FRMD4A: variants seen among roughly 807,000 people sequenced by gnomAD.
The protein encoded by FRMD4A is FERM domain-containing protein 4A.
A neutral mutation model predicts 129.1 loss-of-function variants in FRMD4A; 29 were observed. The ratio of observed to expected loss-of-function variants is 0.22; its 90% CI spans 0.17 to 0.31. The LOEUF is 0.31. FRMD4A is among the 10% of genes least tolerant of loss of function. The pLI, the probability that FRMD4A is intolerant of heterozygous loss-of-function variation, is 1.00. For missense variants in FRMD4A, 1,272 were observed against 1,375.8 expected (o/e 0.92, Z 1.19); for synonymous variants, 634 against 571.6 (o/e 1.11, Z -1.56).
intron 2 of FRMD4A, among the ~76,000 whole-genome samples, chr10:13,929,126 G>A (rs954192617): frequency 1.3e-4 from 20 of 152,154 alleles, no homozygotes; most frequent in African/African-American, 4.8e-4. Context: ...ATTATTTGTG[G>A]GATGGTAGCC....
At chr10:14,283,579 T>C (rs1165877192) in intron 2 of FRMD4A, among the ~76,000 whole-genome samples, 1 of 152,234 alleles carries the variant, frequency 6.6e-6, no homozygotes, top group Non-Finnish European at 1.5e-5. Context: ...CTCTGTTTAT[T>C]GGTATTCACA....
At chr10:13,827,726 G>C (rs1388029646) in intron 3 of FRMD4A, among the ~76,000 whole-genome samples, 6 of 152,306 alleles carry the variant, frequency 3.9e-5, no homozygotes, top group African/African-American at 1.2e-4. Flanking sequence ...GGTTCCGGCA[G>C]TCTGTAAGTC....
intron 2 of FRMD4A, among the ~76,000 whole-genome samples, chr10:14,234,349 C>G (rs1843731428): frequency 6.6e-6 from 1 of 152,164 alleles, no homozygotes; most frequent in South Asian, 2.1e-4. Flanking sequence ...ACCAAAACAT[C>G]AGAGACCAAC....
chr10:14,256,697 T>C (rs1844625038), intron 2 of FRMD4A, among the ~76,000 whole-genome samples: 1 of 152,168 alleles, frequency 6.6e-6, no homozygotes, highest in African/African-American at 2.4e-5. Context: ...TTAAAGTATA[T>C]GTGGGCTGGG....
At chr10:13,711,446 G>C (rs2088009849) in intron 12 of FRMD4A, among the ~76,000 whole-genome samples, 1 of 152,258 alleles carries the variant, frequency 6.6e-6, no homozygotes, top group Admixed American at 6.5e-5. Flanking sequence ...TCCCGAGCTT[G>C]CGCTGGCTCA....
At chr10:13,839,575 T>C (rs4748061) in intron 3 of FRMD4A, among the ~76,000 whole-genome samples, 45,624 of 152,020 alleles carry the variant, frequency 0.3, 7,219 homozygotes, top group Middle Eastern at 0.43. Flanking sequence ...CTGTTTTCTT[T>C]CTCCTTTCAG....
At chr10:13,802,475 A>T (rs566029778) in intron 4 of FRMD4A, among the ~76,000 whole-genome samples, 1 of 152,230 alleles carries the variant, frequency 6.6e-6, no homozygotes, top group African/African-American at 2.4e-5. Flanking sequence ...ATTTAGAGAC[A>T]GGGTCTCACT....
chr10:14,240,889 G>T (rs1418922976), intron 2 of FRMD4A, among the ~76,000 whole-genome samples: 1 of 144,454 alleles, frequency 6.9e-6, no homozygotes, highest in East Asian at 2.0e-4. Context: ...CCCCTGCTGG[G>T]ATCCCTTTCT....
chr10:13,691,285 G>T (rs2085664946), intron 15 of FRMD4A, among the ~76,000 whole-genome samples: 1 of 152,162 alleles, frequency 6.6e-6, no homozygotes, highest in Admixed American at 6.5e-5. Flanking sequence ...ACTGCGCCCG[G>T]CCAGATTTCA....
At chr10:13,936,619 G>C (rs1054175702) in intron 2 of FRMD4A, among the ~76,000 whole-genome samples, 5 of 152,164 alleles carry the variant, frequency 3.3e-5, no homozygotes, top group African/African-American at 1.2e-4. Flanking sequence ...CAAGAAGTGA[G>C]CCCCTTTCAT....
intron 2 of FRMD4A, among the ~76,000 whole-genome samples, chr10:14,227,978 A>G (rs924118221): frequency 1.3e-5 from 2 of 152,018 alleles, no homozygotes; most frequent in African/African-American, 4.8e-5. Context: ...GGTTCAAGCA[A>G]TTCTCCTGCC....
chr10:14,232,054 T>C (rs917575747), intron 2 of FRMD4A, among the ~76,000 whole-genome samples: 3 of 152,224 alleles, frequency 2.0e-5, no homozygotes, highest in African/African-American at 7.2e-5. Context: ...ATGATTTTTT[T>C]AGCTTTAGGT....
intron 2 of FRMD4A, among the ~76,000 whole-genome samples, chr10:14,312,252 C>T (rs562428433): frequency 1.7e-4 from 26 of 152,302 alleles, no homozygotes; most frequent in African/African-American, 5.8e-4. Context: ...CACTTGAATT[C>T]TGTAGACATT....
chr10:13,736,194 G>C (rs1224021048), intron 12 of FRMD4A, among the ~76,000 whole-genome samples: 1 of 151,876 alleles, frequency 6.6e-6, no homozygotes. Context: ...AAAAGAGAAG[G>C]GTTGTTCTAA....
rs1390208590 is a variant in FRMD4A, at chr10:13,645,991, G to A, written c.*1047C>T. 6.6e-6 allele frequency: 1 copy of A among 152,492 alleles called. No individual in the cohort carries two copies. Among genetic ancestry groups the A allele is most frequent in the Non-Finnish European group, 1.5e-5 (1 of 68,052 alleles). 9.4% of individuals were successfully genotyped at this position (152,492 alleles called of 1,614,324 possible). On this transcript the variant is annotated 3_prime_UTR_variant, in exon 25 of 25. Transcript: ENST00000357447. The stretch of plus-strand genomic sequence containing the variant: ...TACTACAAATCCTGAAAGGAAAGCA[G>A]CTTTGAGTCTTGGGCTCGGCTGAAC...
chr10:14,062,794 T>C (rs1395861184), intron 2 of FRMD4A, among the ~76,000 whole-genome samples: 1 of 152,176 alleles, frequency 6.6e-6, no homozygotes, highest in Non-Finnish European at 1.5e-5. Flanking sequence ...CCAGGCACAG[T>C]GGCTCACGTG....
chr10:14,299,612 C>T (rs888927915), intron 2 of FRMD4A, among the ~76,000 whole-genome samples: 1 of 152,166 alleles, frequency 6.6e-6, no homozygotes, highest in Admixed American at 6.5e-5. Flanking sequence ...GCACACCTCA[C>T]CTCTCCCCAC....
At chr10:13,926,142 T>C (rs1281622429) in intron 2 of FRMD4A, among the ~76,000 whole-genome samples, 1 of 152,152 alleles carries the variant, frequency 6.6e-6, no homozygotes, top group East Asian at 1.9e-4. Flanking sequence ...TGCTTCTGTA[T>C]ATTGTGCATT....
chr10:13,678,740 T>C (rs927798734), intron 15 of FRMD4A, among the ~76,000 whole-genome samples: 1 of 152,238 alleles, frequency 6.6e-6, no homozygotes, highest in East Asian at 1.9e-4. Context: ...AAGCTCACCT[T>C]TAGAAAGGAA....
Sources: allele counts gnomAD v4.1 joint callset (sites outside exome capture counted in the v4.1 genomes callset), GRCh38; gene constraint gnomAD v4.1.1; transcripts MANE v1.5; gene names NCBI Gene and HGNC (gene_info 2026-07-23, HGNC 2026-07-21).